The following ANKHD1 variants were observed in gnomAD, a reference collection of about 807,000 sequenced individuals.
ANKHD1 encodes the protein ankyrin repeat and KH domain-containing protein 1.
In ANKHD1, 31 loss-of-function variants were observed where a neutral mutation model predicts 230.5. That is an observed-to-expected ratio of 0.13 (90% CI 0.10 to 0.18). The LOEUF is 0.18. ANKHD1 is among the 10% of genes least tolerant of loss of function. ANKHD1 has a pLI of 1.00. For synonymous variants in ANKHD1, 1,074 were observed against 1,117.6 expected (o/e 0.96, Z 0.78); for missense variants, 2,256 against 3,071.3 (o/e 0.73, Z 6.27).
At chr5:140,515,167 A>G (rs1371856677) in intron 24 of ANKHD1, among the ~76,000 whole-genome samples, 1 of 151,880 alleles carries the variant, frequency 6.6e-6, no homozygotes, top group African/African-American at 2.4e-5. Context: ...AGCCCCAGCT[A>G]CTTAGGAGGC....
At chr5:140,427,887 C>T (rs1365524551) in intron 1 of ANKHD1, among the ~76,000 whole-genome samples, 1 of 151,180 alleles carries the variant, frequency 6.6e-6, no homozygotes, top group African/African-American at 2.4e-5. Flanking sequence ...GACGGGGCGG[C>T]TGCCAGGTGG....
chr5:140,499,039 C>T (rs1014553910), intron 15 of ANKHD1, among the ~76,000 whole-genome samples: 5 of 151,908 alleles, frequency 3.3e-5, no homozygotes, highest in African/African-American at 9.7e-5. Flanking sequence ...TTGTGTTAGA[C>T]ATTAATACCT....
intron 1 of ANKHD1, among the ~76,000 whole-genome samples, chr5:140,427,632 TGGCCGGGCGGGG>T (rs1335511494): frequency 1.5e-5 from 2 of 136,490 alleles, no homozygotes; most frequent in African/African-American, 5.5e-5. Context: ...ACGGGGCGGC[TGGCCGGGCGGGG>T]GGCTGACCCC....
At chr5:140,429,723 CT>C (rs2126895586) in intron 1 of ANKHD1, among the ~76,000 whole-genome samples, 1 of 152,156 alleles carries the variant, frequency 6.6e-6, no homozygotes, top group African/African-American at 2.4e-5. Flanking sequence ...GAAATACAGT[CT>C]GAGAGAAGTT....
intron 5 of ANKHD1, 89 bp downstream of exon 5, chr5:140,441,231 A>G (rs1027482350): frequency 1.4e-6 from 2 of 1,386,262 alleles, no homozygotes; most frequent in South Asian, 1.7e-5. Flanking sequence ...GAGGAAAACC[A>G]GTATAAACCT....
At chr5:140,491,311 C>T (rs943404732) in intron 14 of ANKHD1, among the ~76,000 whole-genome samples, 2 of 150,294 alleles carry the variant, frequency 1.3e-5, no homozygotes, top group African/African-American at 4.9e-5. Context: ...CTACAGGTGC[C>T]CTGCCACTAC....
At chr5:140,410,779 A>G (rs975243) in intron 1 of ANKHD1, among the ~76,000 whole-genome samples, 101,758 of 151,928 alleles carry the variant, frequency 0.67, 34,469 homozygotes, top group East Asian at 0.84. Flanking sequence ...CTTATTATAT[A>G]CCAGTACCGT....
At chr5:140,440,044 T>G in intron 3 of ANKHD1, 75 bp from the exon 4 acceptor site, 1 of 1,396,722 alleles carries the variant, frequency 7.2e-7, no homozygotes, top group Non-Finnish European at 9.4e-7. Flanking sequence ...TGTGACTATT[T>G]ATATTTAATA....
Position 140,527,972 on chromosome 5 carries a change from T to A in ANKHD1, c.5187T>A (p.Ile1729=). 1 of 1,613,932 alleles carries A rather than the reference T, an allele frequency of 6.2e-7. No homozygotes were observed. Among genetic ancestry groups the A allele is most frequent in the Non-Finnish European group, 8.5e-7 (1 of 1,179,916 alleles). The change falls in exon 28 of 34, where the codon ATT becomes ATA. Residue 1729 remains isoleucine, a synonymous_variant. Transcript: ENST00000360839. The surrounding 1 kb of genome is among the most constrained non-coding windows in gnomAD (Gnocchi z 4.5). The stretch of plus-strand genomic sequence containing the variant: ...TACAGGATGTTACTGGTGCCCATAT[T>A]GATGTGGATAAACAAAAAGATAAGA... ...TAIQDVTGAH[I]DVDKQKDKNG...
rs532871217 is a variant in ANKHD1, at chr5:140,427,109, C to G, written c.307-8995C>G. Among the ~76,000 whole-genome samples the G allele has an allele frequency of 3.3e-5, 5 of 151,934 alleles. No individual in the cohort carries two copies. The South Asian group carries it at 1.0e-3, about 32-fold the overall frequency. ...TAGGGGCAGCCGGGCAGAGGCGCCCCTCACTTCCCGGACGGGGCGGCTGGC... is the reference window on the plus strand; with the variant it reads ...TAGGGGCAGCCGGGCAGAGGCGCCCGTCACTTCCCGGACGGGGCGGCTGGC... On this transcript the variant is annotated intron_variant, in intron 1 of 33. Transcript: ENST00000360839.
intron 5 of ANKHD1, among the ~76,000 whole-genome samples, chr5:140,443,343 A>G (rs1363137614): frequency 6.6e-6 from 1 of 152,102 alleles, no homozygotes; most frequent in Admixed American, 6.6e-5. Context: ...GATAAAATCA[A>G]TTGCTTTGTT....
chr5:140,503,236 ATT>A (rs1215110351), intron 15 of ANKHD1, among the ~76,000 whole-genome samples: 1 of 151,702 alleles, frequency 6.6e-6, no homozygotes, highest in South Asian at 2.1e-4. Context: ...TGCTTTGTTG[ATT>A]TTTTTGTATA....
At chr5:140,530,209 ATTATT>A (rs1446256690) in intron 29 of ANKHD1, among the ~76,000 whole-genome samples, 2 of 151,294 alleles carry the variant, frequency 1.3e-5, no homozygotes, top group Non-Finnish European at 2.9e-5. Context: ...TTTTATTTTT[ATTATT>A]TTATTTTATT....
chr5:140,516,423 C>T (rs913050293), intron 24 of ANKHD1, among the ~76,000 whole-genome samples: 12 of 152,136 alleles, frequency 7.9e-5, no homozygotes, highest in East Asian at 1.9e-4. Flanking sequence ...GCCAACATTC[C>T]GATTCAGGAA....
Position 140,529,502 on chromosome 5 carries a change from A to T in ANKHD1, c.6556A>T (p.Met2186Leu). Residue 2186 changes from methionine to leucine, a missense_variant, in exon 29 of 34, where the codon ATG becomes TTG. Physicochemically the swap from Met to Leu is conservative, Grantham distance 15. Around this residue, in one of 13 missense-constraint regions of ANKHD1, gnomAD observed 778 missense variants for 966.5 expected, o/e 0.80. Coordinates refer to ENST00000360839, the MANE Select transcript of ANKHD1 (RefSeq NM_017747.3). ...AVQLSSAVNI[M>L]NGSQMHINPA... is the part of the protein sequence containing the mutation. ...GCAGCTTTCTTCAGCTGTGAACATT[A>T]TGAATGGTTCTCAGATGCACATAAA... is the stretch of plus-strand genomic sequence containing the variant. 6.2e-7 allele frequency: 1 copy of T among 1,614,206 alleles called. No homozygotes were observed. Among genetic ancestry groups the T allele is most frequent in the Non-Finnish European group, 8.5e-7 (1 of 1,180,032 alleles).
intron 14 of ANKHD1, among the ~76,000 whole-genome samples, chr5:140,493,324 C>A (rs1317117567): frequency 6.6e-6 from 1 of 152,190 alleles, no homozygotes; most frequent in Non-Finnish European, 1.5e-5. Flanking sequence ...CTTGGCCTCC[C>A]AAAGTGCTGG....
At chr5:140,499,507 A>C (rs1042704840) in intron 15 of ANKHD1, among the ~76,000 whole-genome samples, 3 of 152,144 alleles carry the variant, frequency 2.0e-5, no homozygotes, top group Non-Finnish European at 4.4e-5. Context: ...ATAACAGTAC[A>C]TTTTACTTTT....
intron 1 of ANKHD1, among the ~76,000 whole-genome samples, chr5:140,427,782 CCCACCT>C (rs1772642787): frequency 6.6e-6 from 1 of 151,444 alleles, no homozygotes; most frequent in Non-Finnish European, 1.5e-5. Context: ...GGCTGATCCC[CCCACCT>C]CCCTCCCGGA....
Position 140,529,777 on chromosome 5 carries a change from A to G in ANKHD1, c.6831A>G (p.Arg2277=). 6.2e-7 allele frequency: 1 copy of G among 1,614,002 alleles called. No individual in the cohort carries two copies. The highest frequency in any genetic ancestry group is 1.3e-5 in the African/African-American group (1 of 75,028). The change falls in exon 29 of 34, where the codon CGA becomes CGG. Residue 2277 remains arginine, a synonymous_variant. Transcript: ENST00000360839. ...KAPGFRPPSQ[R]VSTSPVGLPS... is the part of the protein sequence containing the mutation. ...CTGGCTTCAGACCACCTTCCCAGCG[A>G]GTTTCTACTAGTCCAGTTGGTAAGT...
Sources: allele counts gnomAD v4.1 joint callset (sites outside exome capture counted in the v4.1 genomes callset), GRCh38; gene constraint gnomAD v4.1.1; regional missense constraint gnomAD v4.1.1; non-coding constraint Gnocchi (gnomAD v3.1); transcripts MANE v1.5; gene names NCBI Gene and HGNC (gene_info 2026-07-23, HGNC 2026-07-21).